Variants in TMTC2 observed in about 807,000 individuals in gnomAD.
The protein encoded by TMTC2 is protein O-mannosyl-transferase TMTC2.
TMTC2 carries 43 observed loss-of-function variants against 82.4 expected under a neutral mutation model. The observed-to-expected ratio is 0.52, with a 90% CI of 0.41 to 0.67. TMTC2 has a LOEUF of 0.67. Ranked by LOEUF, TMTC2 falls within the 30% of genes least tolerant of loss-of-function variation. The pLI is 0.00. For missense variants in TMTC2, 919 were observed against 1,012.4 expected (o/e 0.91, Z 1.25); for synonymous variants, 408 against 381.9 (o/e 1.07, Z -0.80).
chr12:82,984,631 A>ATGCAAGTCACCAGTTTAC (rs763900024), intron 7 of TMTC2, among the ~76,000 whole-genome samples: 4 of 152,208 alleles, frequency 2.6e-5, no homozygotes, highest in Non-Finnish European at 5.9e-5. Flanking sequence ...CTGGAAGATA[A>ATGCAAGTCACCAGTTTAC]TGCAAGTCAC....
Position 82,687,261 on chromosome 12 carries a change from G to C in TMTC2, c.-326G>C. On this transcript the variant is annotated 5_prime_UTR_variant, in exon 1 of 12. Coordinates refer to ENST00000321196, the MANE Select transcript of TMTC2 (RefSeq NM_152588.3). ...GCCCCAAACTGCCATGGGTTAGGGT[G>C]GGGATCGCGACCCGCGCGAAAGACC... 2.3e-6 allele frequency: 1 copy of C among 426,096 alleles called. No homozygotes were observed. Among genetic ancestry groups the C allele is most frequent in the Non-Finnish European group, 4.4e-6 (1 of 229,030 alleles). The allele number at this position is 426,096 out of a possible 1,614,324, so 26.4% of individuals were successfully genotyped here. A position where few individuals can be genotyped will look rare whatever the true frequency, so the allele number is the denominator to read the frequency against.
At chr12:82,802,294 C>G (rs1050604536) in intron 1 of TMTC2, among the ~76,000 whole-genome samples, 1 of 152,228 alleles carries the variant, frequency 6.6e-6, no homozygotes, top group African/African-American at 2.4e-5. Flanking sequence ...CCCACGCCCA[C>G]CCGTGCGCAG....
intron 2 of TMTC2, among the ~76,000 whole-genome samples, chr12:82,887,222 T>A (rs1400272824): frequency 6.6e-6 from 1 of 152,226 alleles, no homozygotes; most frequent in Non-Finnish European, 1.5e-5. Context: ...TTTCGTTCAT[T>A]GAGACTAAAA....
chr12:82,775,032 A>G (rs1877514638), intron 1 of TMTC2, among the ~76,000 whole-genome samples: 1 of 152,154 alleles, frequency 6.6e-6, no homozygotes, highest in Non-Finnish European at 1.5e-5. Flanking sequence ...TGCCATTGGT[A>G]AGACACCAAA....
At chr12:82,861,073 G>A (rs570069330) in intron 2 of TMTC2, among the ~76,000 whole-genome samples, 180 of 152,274 alleles carry the variant, frequency 1.2e-3, no homozygotes, top group Middle Eastern at 6.8e-3. Context: ...AGTTATCATG[G>A]TTTGCCAGAT....
chr12:83,030,630 T>G (rs1336018536), intron 8 of TMTC2, among the ~76,000 whole-genome samples, 168 bp from the exon 9 acceptor site: 1 of 152,092 alleles, frequency 6.6e-6, no homozygotes, highest in African/African-American at 2.4e-5. Flanking sequence ...CAGTGTTCTC[T>G]CTCAACACTT....
At chr12:82,696,140 C>T (rs535731929) in intron 1 of TMTC2, among the ~76,000 whole-genome samples, 1 of 152,178 alleles carries the variant, frequency 6.6e-6, no homozygotes, top group South Asian at 2.1e-4. Flanking sequence ...ACAAATTTTC[C>T]AACTAGAAAT....
chr12:82,996,295 G>GAGCA (rs1879613965), intron 8 of TMTC2, among the ~76,000 whole-genome samples: 1 of 152,150 alleles, frequency 6.6e-6, no homozygotes, highest in African/African-American at 2.4e-5. Context: ...CACTGAAAGG[G>GAGCA]GTGAGGGTGA....
chr12:83,046,191 C>A (rs976040950), intron 9 of TMTC2, among the ~76,000 whole-genome samples: 1 of 152,180 alleles, frequency 6.6e-6, no homozygotes, highest in African/African-American at 2.4e-5. Context: ...TACGGATTCG[C>A]CACAATGCCA....
At chr12:83,085,663 A>G (rs11836568) in intron 11 of TMTC2, among the ~76,000 whole-genome samples, 1 of 152,160 alleles carries the variant, frequency 6.6e-6, no homozygotes, top group Admixed American at 6.5e-5. Flanking sequence ...CTTTCCCAAC[A>G]TGGTATTCTT....
chr12:82,701,009 A>C (rs1464170457), intron 1 of TMTC2, among the ~76,000 whole-genome samples: 3 of 152,150 alleles, frequency 2.0e-5, no homozygotes, highest in African/African-American at 4.8e-5. Context: ...TCATGAGAAC[A>C]GCATGGGAAA....
chr12:82,691,648 C>G (rs1021978334), intron 1 of TMTC2, among the ~76,000 whole-genome samples: 1 of 152,030 alleles, frequency 6.6e-6, no homozygotes, highest in South Asian at 2.1e-4. Flanking sequence ...AGGAATCCCT[C>G]GTGAAATAAT....
intron 1 of TMTC2, among the ~76,000 whole-genome samples, chr12:82,717,264 G>A (rs1039664276): frequency 4.1e-5 from 6 of 147,088 alleles, no homozygotes; most frequent in African/African-American, 1.0e-4. Flanking sequence ...TGCTCTTGTC[G>A]CCCAGGCTGT....
At chr12:82,702,128 GA>G (rs1429036766) in intron 1 of TMTC2, among the ~76,000 whole-genome samples, 1 of 152,154 alleles carries the variant, frequency 6.6e-6, no homozygotes, top group African/African-American at 2.4e-5. Context: ...GGCCATTTTG[GA>G]GTAATTAATA....
intron 4 of TMTC2, among the ~76,000 whole-genome samples, chr12:82,937,762 A>ATATATATATATGTGTG (rs1876431074): frequency 1.5e-3 from 28 of 18,632 alleles, no homozygotes; most frequent in African/African-American, 5.4e-3. Flanking sequence ...ATATATATAT[A>ATATATATATATGTGTG]TATATATATA....
chr12:82,817,207 G>A (rs1190267312), intron 1 of TMTC2, among the ~76,000 whole-genome samples: 1 of 151,992 alleles, frequency 6.6e-6, no homozygotes, highest in Admixed American at 6.6e-5. Flanking sequence ...GACCTCAGTT[G>A]ATCCACCTAC....
chr12:82,825,675 A>G (rs1869379971), intron 1 of TMTC2, among the ~76,000 whole-genome samples: 1 of 152,260 alleles, frequency 6.6e-6, no homozygotes, highest in Non-Finnish European at 1.5e-5. Context: ...GTATGTATTT[A>G]CATATGCCAT....
At chr12:82,836,960 A>C (rs1382885745) in intron 1 of TMTC2, among the ~76,000 whole-genome samples, 1 of 152,188 alleles carries the variant, frequency 6.6e-6, no homozygotes, top group East Asian at 1.9e-4. Flanking sequence ...CTAGTCTGCC[A>C]TCACTTTTTT....
chr12:82,739,780 G>A (rs1404601799), intron 1 of TMTC2, among the ~76,000 whole-genome samples: 1 of 147,852 alleles, frequency 6.8e-6, no homozygotes, highest in Non-Finnish European at 1.5e-5. Flanking sequence ...CTTTATGTGG[G>A]TAGAACATAC....
Sources: gnomAD v4.1 joint callset for allele counts (sites outside exome capture counted in the v4.1 genomes callset) on GRCh38, gnomAD v4.1.1 for gene constraint, MANE v1.5 for transcripts, NCBI Gene and HGNC (gene_info 2026-07-23, HGNC 2026-07-21) for gene names.